CNR1: variants seen among roughly 807,000 people sequenced by gnomAD.
CNR1 encodes cannabinoid receptor 1 (brain).
Under a neutral mutation model 23.0 loss-of-function variants are expected in CNR1, and 10 were observed. The ratio of observed to expected loss-of-function variants is 0.43; its 90% CI spans 0.27 to 0.74. The LOEUF (loss-of-function observed/expected upper bound fraction) is 0.74. Among genes scored for constraint, CNR1 ranks in the 30% least tolerant of loss-of-function variants. CNR1 has a pLI of 0.19. For missense variants in CNR1, 422 were observed against 618.8 expected (o/e 0.68, Z 3.37); for synonymous variants, 271 against 255.2 (o/e 1.06, Z -0.59).
chr6:88,144,528 C>T lies in CNR1; in HGVS notation c.747G>A (p.Val249=), dbSNP rs1777034257. The T allele has an allele frequency of 6.2e-7, 1 of 1,614,096 alleles. No homozygotes were observed. Among genetic ancestry groups the T allele is most frequent in the Admixed American group, 1.7e-5 (1 of 60,016 alleles). The change falls in exon 2 of 2, where the codon GTG becomes GTA. Residue 249 remains valine, a synonymous_variant. Coordinates refer to ENST00000369501, the MANE Select transcript of CNR1 (RefSeq NM_016083.6). This position sits in a 1 kb window ranked among gnomAD's most constrained non-coding sequence, Gnocchi z 7.8. ...CGCAGTTCCAGCCCAGGAGAGGCAG[C>T]ACGGCGATCACAATGGCTATGGTCC... ...LMWTIAIVIA[V]LPLLGWNCEK...
chr6:88,157,999 G>T (rs1277287950), intron 1 of CNR1, among the ~76,000 whole-genome samples: 1 of 152,204 alleles, frequency 6.6e-6, no homozygotes, highest in Admixed American at 6.5e-5. Context: ...GTTTCCTTCA[G>T]ACATTATTTT....
At chr6:88,161,951 A>G (rs577639708) in intron 1 of CNR1, among the ~76,000 whole-genome samples, 50 of 152,234 alleles carry the variant, frequency 3.3e-4, no homozygotes, top group Non-Finnish European at 6.0e-4. Context: ...TCCAACTTGT[A>G]CAGCCCTAAT....
Position 88,145,024 on chromosome 6 carries a change from T to C in CNR1, c.251A>G (p.Lys84Arg), listed in dbSNP as rs1562503306. The C allele has an allele frequency of 5.6e-6, 9 of 1,614,100 alleles. No individual in the cohort carries two copies. The highest frequency in any genetic ancestry group is 7.6e-6 in the Non-Finnish European group (9 of 1,179,992). The change falls in exon 2 of 2, where the codon AAG becomes AGG. Residue 84 changes from lysine (K) to arginine (R), a missense_variant. By Grantham distance (26) the Lys-to-Arg change is conservative. Around this residue, in one of 4 missense-constraint regions of CNR1, gnomAD observed 120 missense variants for 117.6 expected, o/e 1.02. Transcript: ENST00000369501. Reference sequence around the variant, plus strand: ...ATTCTCCTTGAAGGACGAGAGAGACTTGTTGTAAAATTCTGTAATGTTCAC... The same window carrying C: ...ATTCTCCTTGAAGGACGAGAGAGACCTGTTGTAAAATTCTGTAATGTTCAC... ...DQVNITEFYN[K>R]SLSSFKENEE...
chr6:88,145,459 AG>A (rs1777130835), intron 1 of CNR1, 122 bp from the exon 2 acceptor site: 2 of 588,784 alleles, frequency 3.4e-6, no homozygotes, highest in Admixed American at 3.2e-5. Flanking sequence ...GAACAGTAGG[AG>A]GTCAAGTTCT....
intron 1 of CNR1, among the ~76,000 whole-genome samples, chr6:88,147,294 G>C (rs540935331): frequency 6.6e-6 from 1 of 152,314 alleles, no homozygotes; most frequent in South Asian, 2.1e-4. Flanking sequence ...TCTGGCAACA[G>C]AGCAACATTC....
rs146364244 is a variant in CNR1, at chr6:88,158,266, A to G, written c.-64+7537T>C. Among the ~76,000 whole-genome samples the G allele has an allele frequency of 3.3e-3, 506 of 152,346 alleles. 2 individuals are homozygous for G. Among genetic ancestry groups the G allele is most frequent in the African/African-American group, 0.012 (479 of 41,588 alleles). Reference sequence around the variant, plus strand: ...GCCATTGAAACCATGAGGCTGTTCTATTGTATTCATTCCGGATCGAGCCCT... The same window carrying G: ...GCCATTGAAACCATGAGGCTGTTCTGTTGTATTCATTCCGGATCGAGCCCT... On this transcript the variant is annotated intron_variant, in intron 1 of 1. Coordinates refer to ENST00000369501, the MANE Select transcript of CNR1 (RefSeq NM_016083.6).
In CNR1 at chr6:88,145,247, C is replaced by T. The variant is rs75770301; in HGVS notation, c.28G>A (p.Asp10Asn). Residue 10 changes from aspartate (D) to asparagine (N), a missense_variant, in exon 2 of 2, where the codon GAT becomes AAT. Physicochemically the swap from Asp to Asn is conservative, Grantham distance 23. Coordinates refer to ENST00000369501, the MANE Select transcript of CNR1 (RefSeq NM_016083.6). ...GTGGTGATGGTGCGGAAGGTGGTAT[C>T]TGCAAGGCCATCTAGGATCGACTTC... The part of the protein sequence containing the change: MKSILDGLA[D>N]TTFRTITTDL... The T allele has an allele frequency of 6.2e-7, 1 of 1,613,210 alleles. No individual in the cohort carries two copies. Among genetic ancestry groups the T allele is most frequent in the African/African-American group, 1.3e-5 (1 of 75,018 alleles).
chr6:88,148,478 C>A (rs987389587), intron 1 of CNR1, among the ~76,000 whole-genome samples: 5 of 151,754 alleles, frequency 3.3e-5, no homozygotes, highest in African/African-American at 1.2e-4. Context: ...ATTGGATATA[C>A]GTATTTCAAA....
At chr6:88,163,248 C>T (rs757675093) in intron 1 of CNR1, among the ~76,000 whole-genome samples, 47 of 152,242 alleles carry the variant, frequency 3.1e-4, no homozygotes, top group Non-Finnish European at 5.1e-4. Flanking sequence ...AAGCTATAAC[C>T]AAATCTTTCA....
At chr6:88,148,571 T>C (rs1777337088) in intron 1 of CNR1, among the ~76,000 whole-genome samples, 1 of 152,034 alleles carries the variant, frequency 6.6e-6, no homozygotes, top group South Asian at 2.1e-4. Flanking sequence ...AAAATGATCA[T>C]GTAACTTGAA....
intron 1 of CNR1, among the ~76,000 whole-genome samples, chr6:88,163,686 C>A (rs1330489785): frequency 6.6e-6 from 1 of 152,160 alleles, no homozygotes; most frequent in Admixed American, 6.5e-5. Flanking sequence ...AATAGGTAAA[C>A]CGAATCAAAG....
chr6:88,161,744 C>G (rs1342496075), intron 1 of CNR1, among the ~76,000 whole-genome samples: 1 of 152,158 alleles, frequency 6.6e-6, no homozygotes, highest in Non-Finnish European at 1.5e-5. Context: ...GTTGCTTGCT[C>G]TCACATCAAA....
chr6:88,160,235 G>A (rs968976626), intron 1 of CNR1, among the ~76,000 whole-genome samples: 1 of 151,998 alleles, frequency 6.6e-6, no homozygotes, highest in East Asian at 1.9e-4. Context: ...AGGCTGCAGT[G>A]AGCCGAGATT....
At chr6:88,152,164 G>A (rs1190887283) in intron 1 of CNR1, among the ~76,000 whole-genome samples, 7 of 145,276 alleles carry the variant, frequency 4.8e-5, no homozygotes, top group East Asian at 2.0e-4. Context: ...GCAGTGAGCC[G>A]AGATCCCGCC....
In CNR1 at chr6:88,144,498, T is replaced by C; in HGVS notation, c.777A>G (p.Lys259=). The C allele has an allele frequency of 2.5e-6, 4 of 1,614,178 alleles. No individual in the cohort carries two copies. The highest frequency in any genetic ancestry group is 3.4e-6 in the Non-Finnish European group (4 of 1,180,036). The stretch of plus-strand genomic sequence containing the variant: ...AAATGTCTGAGCAAACAGATTGCAG[T>C]TTCTCGCAGTTCCAGCCCAGGAGAG... ...VLPLLGWNCE[K]LQSVCSDIFP... The change falls in exon 2 of 2, where the codon AAA becomes AAG. Residue 259 remains lysine (K), a synonymous_variant. Transcript: ENST00000369501. This position sits in a 1 kb window ranked among gnomAD's most constrained non-coding sequence, Gnocchi z 7.8.
rs189182548 is a variant in CNR1 at position 88,158,279 on chromosome 6, C to T, written c.-64+7524G>A. On this transcript the variant is annotated intron_variant, in intron 1 of 1. Coordinates refer to ENST00000369501, the MANE Select transcript of CNR1 (RefSeq NM_016083.6). The stretch of plus-strand genomic sequence containing the variant: ...TGAGGCTGTTCTATTGTATTCATTC[C>T]GGATCGAGCCCTTCTTAGCGTTTGT... Among the ~76,000 whole-genome samples the T allele has an allele frequency of 4.3e-4, 66 of 152,254 alleles. 1 individual carries two copies. Among genetic ancestry groups the T allele is most frequent in the Non-Finnish European group, 8.4e-4 (57 of 68,032 alleles).
At chr6:88,156,175 C>T (rs895413317) in intron 1 of CNR1, among the ~76,000 whole-genome samples, 2 of 152,146 alleles carry the variant, frequency 1.3e-5, no homozygotes, top group Non-Finnish European at 2.9e-5. Context: ...AATGAGTGAC[C>T]GTTACCATCT....
chr6:88,143,722 G>T lies in CNR1; in HGVS notation c.*134C>A. ...TGGAAACATTAGCAAACTGATAAGTGATCATGGTGACAATCACCTTTTCAT... is the reference window on the plus strand; with the variant it reads ...TGGAAACATTAGCAAACTGATAAGTTATCATGGTGACAATCACCTTTTCAT... On this transcript the variant is annotated 3_prime_UTR_variant, in exon 2 of 2. Transcript: ENST00000369501. 1.4e-6 allele frequency: 1 copy of T among 694,492 alleles called. No individual in the cohort carries two copies. Among genetic ancestry groups the T allele is most frequent in the South Asian group, 1.8e-5 (1 of 56,112 alleles). The allele number at this position is 694,492 out of a possible 1,614,324, so 43.0% of individuals were successfully genotyped here.
chr6:88,144,589 G>A lies in CNR1; in HGVS notation c.686C>T (p.Thr229Ile). 1.9e-6 allele frequency: 3 copies of A among 1,614,214 alleles called. No individual in the cohort carries two copies. The highest frequency in any genetic ancestry group is 1.7e-6 in the Non-Finnish European group (2 of 1,180,040). Residue 229 changes from threonine to isoleucine, a missense_variant, in exon 2 of 2, where the codon ACC becomes ATC. Around this residue, in one of 4 missense-constraint regions of CNR1, gnomAD observed 211 missense variants for 357.3 expected, o/e 0.59. Coordinates refer to ENST00000369501, the MANE Select transcript of CNR1 (RefSeq NM_016083.6). The surrounding 1 kb of genome is among the most constrained non-coding windows in gnomAD (Gnocchi z 7.8). Reference sequence around the variant, plus strand: ...AAACGCCACCACGGCCTTGGGCCTGGTGACAATCCTCTTATAGGCCAGGGG... The same window carrying A: ...AAACGCCACCACGGCCTTGGGCCTGATGACAATCCTCTTATAGGCCAGGGG... The part of the protein sequence containing the change: ...HRPLAYKRIV[T>I]RPKAVVAFCL...
Sources: allele counts gnomAD v4.1 joint callset (sites outside exome capture counted in the v4.1 genomes callset), GRCh38; gene constraint gnomAD v4.1.1; regional missense constraint gnomAD v4.1.1; non-coding constraint Gnocchi (gnomAD v3.1); transcripts MANE v1.5; gene names NCBI Gene and HGNC (gene_info 2026-07-23, HGNC 2026-07-21).